FNBP4: variants seen among roughly 807,000 people sequenced by gnomAD.
FNBP4 encodes formin binding protein 4, also known as formin-binding protein 4.
Under a neutral mutation model 119.3 loss-of-function variants are expected in FNBP4, and 34 were observed. The ratio of observed to expected loss-of-function variants is 0.28; its 90% CI spans 0.22 to 0.38. The LOEUF (loss-of-function observed/expected upper bound fraction) is 0.38, where lower values mean the gene tolerates loss of function less well. Among genes scored for constraint, FNBP4 ranks in the 10% least tolerant of loss-of-function variants. FNBP4 has a pLI of 1.00. For synonymous variants in FNBP4, 462 were observed against 430.6 expected (o/e 1.07, Z -0.90); for missense variants, 1,112 against 1,228.9 (o/e 0.90, Z 1.42).
In FNBP4 at chr11:47,751,648, C is replaced by T. The variant is rs1268964569; in HGVS notation, c.638-358G>A. Among the ~76,000 whole-genome samples, 4 of 152,052 alleles carry T rather than the reference C, an allele frequency of 2.6e-5. No homozygotes were observed. In the East Asian group the frequency reaches 7.7e-4, roughly 29 times the overall value. ...TAACATTTAGAGTCACCTTTGAACA[C>T]ATTTTTTAAAAAAAAACAGTTTGGC... On this transcript the variant is annotated intron_variant, in intron 4 of 16. Coordinates refer to ENST00000263773, the MANE Select transcript of FNBP4 (RefSeq NM_015308.5).
chr11:47,751,096 G>A (rs778689779), intron 5 of FNBP4, 47 bp downstream of exon 5: 8 of 1,612,752 alleles, frequency 5.0e-6, no homozygotes, highest in Middle Eastern at 1.6e-4. Flanking sequence ...CAAAAGATAA[G>A]GCTTCAATTT....
At chr11:47,749,353 AG>A in intron 6 of FNBP4, among the ~76,000 whole-genome samples, 1 of 152,076 alleles carries the variant, frequency 6.6e-6, no homozygotes, top group South Asian at 2.1e-4. Flanking sequence ...ACTTGAGGTC[AG>A]GAGTTCAAGA....
rs113955359 is a variant in FNBP4 at position 47,766,435 on chromosome 11, T to C, written c.220+634A>G. On this transcript the variant is annotated intron_variant, in intron 1 of 16. Transcript: ENST00000263773. ...TTACAAGACACACCAAACACTGCTATTGCGGATTTTTTCCAATTAACGAAC... is the reference window on the plus strand; with the variant it reads ...TTACAAGACACACCAAACACTGCTACTGCGGATTTTTTCCAATTAACGAAC... Among the ~76,000 whole-genome samples the C allele has an allele frequency of 1.7e-3, 266 of 152,300 alleles. 1 individual carries two copies. The highest frequency in any genetic ancestry group is 3.1e-3 in the Non-Finnish European group (211 of 68,006).
chr11:47,765,370 A>T lies in FNBP4; in HGVS notation c.221-8T>A, dbSNP rs768177731. 7.9e-6 allele frequency: 11 copies of T among 1,394,850 alleles called. No homozygotes were observed. Among genetic ancestry groups the T allele is most frequent in the African/African-American group, 4.8e-5 (3 of 62,240 alleles). 86.4% of individuals were successfully genotyped at this position (1,394,850 alleles called of 1,614,324 possible). ...GCACCGCTTCCTGTTCATCTGGATT[A>T]AAAAAAAAGAAAAGAAAAGAAAAGA... is the stretch of plus-strand genomic sequence containing the variant. On this transcript the variant is annotated splice_region_variant and splice_polypyrimidine_tract_variant and intron_variant, in intron 1 of 16. Transcript: ENST00000263773.
chr11:47,721,341 C>T (rs1325778776), intron 15 of FNBP4, among the ~76,000 whole-genome samples: 2 of 151,570 alleles, frequency 1.3e-5, no homozygotes, highest in Non-Finnish European at 2.9e-5. Flanking sequence ...CCTGTAATCT[C>T]AGCACTTTGG....
intron 15 of FNBP4, among the ~76,000 whole-genome samples, chr11:47,721,572 A>T (rs1262532436): frequency 6.6e-6 from 1 of 152,164 alleles, no homozygotes; most frequent in African/African-American, 2.4e-5. Flanking sequence ...ACTGCACACC[A>T]GCCTGGGTGA....
chr11:47,717,415 T>G lies in FNBP4; in HGVS notation c.*7A>C. The G allele has an allele frequency of 1.2e-6, 2 of 1,601,148 alleles. No individual in the cohort carries two copies. Among genetic ancestry groups the G allele is most frequent in the Non-Finnish European group, 1.7e-6 (2 of 1,172,756 alleles). On this transcript the variant is annotated 3_prime_UTR_variant, in exon 17 of 17. Coordinates refer to ENST00000263773, the MANE Select transcript of FNBP4 (RefSeq NM_015308.5). ...AATAATACAAAAAAGTTTTAAAAAC[T>G]TAAAAACTATGTGTTTGGAGCCATT... is the stretch of plus-strand genomic sequence containing the variant.
intron 9 of FNBP4, among the ~76,000 whole-genome samples, chr11:47,736,299 G>A (rs571786149): frequency 1.3e-5 from 2 of 150,816 alleles, no homozygotes; most frequent in African/African-American, 4.9e-5. Context: ...GCTGACGCCT[G>A]TAATCCCAGC....
intron 1 of FNBP4, 125 bp downstream of exon 1, chr11:47,766,932 CCCCGCCTGCAGG>C: frequency 1.5e-6 from 2 of 1,361,130 alleles, no homozygotes; most frequent in Non-Finnish European, 1.9e-6. Context: ...CCCAGGGCCG[CCCCGCCTGCAGG>C]CCCGCAGCAG....
At chr11:47,727,375 G>A (rs911029704) in intron 12 of FNBP4, among the ~76,000 whole-genome samples, 12 of 151,506 alleles carry the variant, frequency 7.9e-5, no homozygotes, top group African/African-American at 9.7e-5. Flanking sequence ...TCAGCCTCGC[G>A]AGTAGCTGGG....
At chr11:47,736,571 A>G (rs1295712735) in intron 9 of FNBP4, 45 bp downstream of exon 9, 4 of 1,455,202 alleles carry the variant, frequency 2.7e-6, no homozygotes, top group Non-Finnish European at 3.8e-6. Context: ...AAATAATGAT[A>G]ATAATAATAA....
Position 47,746,046 on chromosome 11 carries a change from A to G in FNBP4, c.1245+10T>C, listed in dbSNP as rs375238301. 9.5e-6 allele frequency: 15 copies of G among 1,583,686 alleles called. No individual in the cohort carries two copies. Among genetic ancestry groups the G allele is most frequent in the Admixed American group, 5.7e-5 (3 of 52,812 alleles). On this transcript the variant is annotated intron_variant, in intron 7 of 16. Coordinates refer to ENST00000263773, the MANE Select transcript of FNBP4 (RefSeq NM_015308.5). ...AAAAAACATTCTACAAGTAACTTTC[A>G]AAAGCTTACTTTTTTCCTTTCCAAA... is the stretch of plus-strand genomic sequence containing the variant.
chr11:47,747,140 CCAGCCTCA>C (rs1277973506), intron 6 of FNBP4, among the ~76,000 whole-genome samples: 3 of 151,860 alleles, frequency 2.0e-5, no homozygotes, highest in African/African-American at 4.8e-5. Context: ...CCAGCGATTC[CCAGCCTCA>C]CAGCCTTAGC....
intron 15 of FNBP4, among the ~76,000 whole-genome samples, chr11:47,720,398 C>T (rs1287171285): frequency 6.6e-6 from 1 of 151,536 alleles, no homozygotes; most frequent in Non-Finnish European, 1.5e-5. Context: ...GAAACCCTGT[C>T]TCTACTAAAA....
intron 8 of FNBP4, among the ~76,000 whole-genome samples, chr11:47,737,015 CTAACACAG>C (rs2097575122): frequency 6.6e-6 from 1 of 152,036 alleles, no homozygotes; most frequent in African/African-American, 2.4e-5. Flanking sequence ...ACCATCTTGG[CTAACACAG>C]TAGAACCGTC....
In FNBP4 at chr11:47,746,353, C is replaced by G; in HGVS notation, c.948G>C (p.Glu316Asp). The G allele has an allele frequency of 6.2e-7, 1 of 1,612,812 alleles. No individual in the cohort carries two copies. Among genetic ancestry groups the G allele is most frequent in the Non-Finnish European group, 8.5e-7 (1 of 1,179,776 alleles). ...EGIQALSNSE[E>D]EKKGVAASLL... ...GCGATGCTGCCACCCCTTTCTTCTCCTCCTCACTATTTGAGAGAGCCTGAA... is the reference window on the plus strand; with the variant it reads ...GCGATGCTGCCACCCCTTTCTTCTCGTCCTCACTATTTGAGAGAGCCTGAA... Residue 316 changes from glutamate (E) to aspartate (D), a missense_variant, in exon 7 of 17, where the codon GAG becomes GAC. Coordinates refer to ENST00000263773, the MANE Select transcript of FNBP4 (RefSeq NM_015308.5).
intron 1 of FNBP4, among the ~76,000 whole-genome samples, chr11:47,766,310 G>C (rs1292110939): frequency 6.6e-6 from 1 of 151,966 alleles, no homozygotes; most frequent in Non-Finnish European, 1.5e-5. Context: ...TTGAGACATT[G>C]TCTCGAAAAA....
In FNBP4 at chr11:47,746,300, A is replaced by T; in HGVS notation, c.1001T>A (p.Ile334Lys). ...SLLAPLLPEG[I>K]KEEEERWRRK... is the part of the protein sequence containing the mutation. ...TCTCCATCTCTCTTCTTCTTCTTTTATTCCCTCAGGCAATAAAGGAGCAAG... is the reference window on the plus strand; with the variant it reads ...TCTCCATCTCTCTTCTTCTTCTTTTTTTCCCTCAGGCAATAAAGGAGCAAG... Residue 334 changes from isoleucine to lysine, a missense_variant, in exon 7 of 17, where the codon ATA becomes AAA. Transcript: ENST00000263773. 2 of 1,613,898 alleles carry T rather than the reference A, an allele frequency of 1.2e-6. No homozygotes were observed. Among genetic ancestry groups the T allele is most frequent in the Non-Finnish European group, 8.5e-7 (1 of 1,179,990 alleles).
intron 2 of FNBP4, among the ~76,000 whole-genome samples, chr11:47,758,076 T>C (rs1262918541): frequency 1.3e-5 from 2 of 152,212 alleles, no homozygotes; most frequent in Non-Finnish European, 2.9e-5. Context: ...CTTCCCAAAA[T>C]GTTAGGCAAA....
Sources: allele counts gnomAD v4.1 joint callset (sites outside exome capture counted in the v4.1 genomes callset), GRCh38; gene constraint gnomAD v4.1.1; transcripts MANE v1.5; gene names NCBI Gene and HGNC (gene_info 2026-07-23, HGNC 2026-07-21).